Variants in PLCB1 observed in about 807,000 individuals in gnomAD.
PLCB1 encodes the protein phospholipase C beta 1.
PLCB1 carries 46 observed loss-of-function variants against 161.8 expected under a neutral mutation model. The observed-to-expected ratio is 0.28, with a 90% CI of 0.22 to 0.36. The LOEUF is 0.36. Ranked by LOEUF, PLCB1 falls within the 10% of genes least tolerant of loss-of-function variation. The pLI is 1.00. For missense variants in PLCB1, 1,016 were observed against 1,472.5 expected (o/e 0.69, Z 5.07); for synonymous variants, 517 against 503.7 (o/e 1.03, Z -0.35).
intron 3 of PLCB1, among the ~76,000 whole-genome samples, chr20:8,572,055 G>A (rs571693595): frequency 9.2e-5 from 14 of 151,966 alleles, no homozygotes; most frequent in African/African-American, 3.4e-4. Context: ...TGTTTATTAC[G>A]AGTTTTAACA....
chr20:8,525,957 A>C (rs1008918418), intron 3 of PLCB1, among the ~76,000 whole-genome samples: 7 of 152,120 alleles, frequency 4.6e-5, no homozygotes, highest in African/African-American at 1.7e-4. Context: ...AGCATACTTG[A>C]AGCCTGTGTT....
chr20:8,377,191 G>A (rs904650505), intron 3 of PLCB1, among the ~76,000 whole-genome samples: 14 of 152,114 alleles, frequency 9.2e-5, no homozygotes, highest in African/African-American at 3.1e-4. Context: ...ATGAGTGCTG[G>A]GAAGGGGTCT....
At chr20:8,631,658 T>G (rs903118913) in intron 4 of PLCB1, among the ~76,000 whole-genome samples, 6 of 152,184 alleles carry the variant, frequency 3.9e-5, no homozygotes, top group African/African-American at 1.4e-4. Flanking sequence ...CACAGCATTT[T>G]TCAGTAGACA....
chr20:8,405,626 T>C (rs566790719), intron 3 of PLCB1, among the ~76,000 whole-genome samples: 3 of 152,268 alleles, frequency 2.0e-5, no homozygotes, highest in African/African-American at 2.4e-5. Context: ...TTGTTTCCAG[T>C]GAAATCAAAG....
chr20:8,358,094 T>C (rs1044287889), intron 2 of PLCB1, among the ~76,000 whole-genome samples: 1 of 133,254 alleles, frequency 7.5e-6, no homozygotes, highest in Non-Finnish European at 1.6e-5. Flanking sequence ...CTCTTGTCCC[T>C]TTCCCAGTTT....
chr20:8,621,319 T>C (rs907225024), intron 3 of PLCB1, among the ~76,000 whole-genome samples: 1 of 152,200 alleles, frequency 6.6e-6, no homozygotes, highest in Non-Finnish European at 1.5e-5. Flanking sequence ...TGGTAGCATA[T>C]GTCAAAAAGA....
At chr20:8,816,486 A>C (rs79198475) in intron 31 of PLCB1, among the ~76,000 whole-genome samples, 2,921 of 152,338 alleles carry the variant, frequency 0.019, 36 homozygotes, top group Middle Eastern at 0.088. Flanking sequence ...TCAAAGTCCT[A>C]AAATAATTTA....
At chr20:8,215,972 C>T (rs957974694) in intron 2 of PLCB1, among the ~76,000 whole-genome samples, 1 of 151,980 alleles carries the variant, frequency 6.6e-6, no homozygotes, top group Non-Finnish European at 1.5e-5. Context: ...CCACATCATT[C>T]AGTAATTCAG....
intron 3 of PLCB1, among the ~76,000 whole-genome samples, chr20:8,431,033 A>G (rs908217039): frequency 1.3e-5 from 2 of 152,026 alleles, no homozygotes; most frequent in African/African-American, 4.8e-5. Context: ...CGTATTAAAG[A>G]GGTTTATATT....
intron 2 of PLCB1, among the ~76,000 whole-genome samples, chr20:8,185,762 G>T (rs1033643027): frequency 1.3e-5 from 2 of 152,054 alleles, no homozygotes; most frequent in African/African-American, 4.8e-5. Context: ...AAAGCATTAA[G>T]TGGATTCATT....
chr20:8,462,538 A>C (rs1981625329), intron 3 of PLCB1, among the ~76,000 whole-genome samples: 1 of 152,192 alleles, frequency 6.6e-6, no homozygotes, highest in South Asian at 2.1e-4. Context: ...GACCTTATTC[A>C]ATAATTTAAG....
intron 2 of PLCB1, among the ~76,000 whole-genome samples, chr20:8,232,015 A>G (rs377245279): frequency 2.6e-5 from 4 of 152,154 alleles, no homozygotes; most frequent in African/African-American, 9.6e-5. Flanking sequence ...AGCTGTCAAC[A>G]CATGGTTTCA....
At chr20:8,364,384 C>T (rs1341079856) in intron 2 of PLCB1, among the ~76,000 whole-genome samples, 1 of 152,174 alleles carries the variant, frequency 6.6e-6, no homozygotes, top group African/African-American at 2.4e-5. Context: ...CCGATAATAT[C>T]CGCAGGCATT....
rs1979419669 is a variant in PLCB1 at position 8,221,704 on chromosome 20, CAA to C, written c.177+71334_177+71335del. ...TCCTTAGGTTTAAAATCTCAAATAG[CAA>C]CCTAAGTGCATTAACAAAATATGTA... On this transcript the variant is annotated intron_variant, in intron 2 of 31. Transcript: ENST00000338037. 2.0e-5 allele frequency among the ~76,000 whole-genome samples: 3 copies of C among 152,206 alleles called. 1 individual carries two copies. The highest frequency in any genetic ancestry group is 7.2e-5 in the African/African-American group (3 of 41,544).
intron 23 of PLCB1, among the ~76,000 whole-genome samples, 162 bp downstream of exon 23, chr20:8,741,735 G>T (rs1382580349): frequency 6.6e-6 from 1 of 152,282 alleles, no homozygotes; most frequent in South Asian, 2.1e-4. Context: ...CTAGATGATT[G>T]ACTTAAATTT....
At chr20:8,541,810 A>T (rs1161653806) in intron 3 of PLCB1, among the ~76,000 whole-genome samples, 1 of 152,220 alleles carries the variant, frequency 6.6e-6, no homozygotes, top group Non-Finnish European at 1.5e-5. Flanking sequence ...GCAATGTCTC[A>T]AATCTGGAAG....
chr20:8,234,137 T>A lies in PLCB1; in HGVS notation c.177+83766T>A, dbSNP rs559184526. On this transcript the variant is annotated intron_variant, in intron 2 of 31. Coordinates refer to ENST00000338037, the MANE Select transcript of PLCB1 (RefSeq NM_015192.4). ...GGCATTTGTGGGATTGAAGGTGGAA[T>A]GGGAAAGAGACGTATGCAATCAGCT... Among the ~76,000 whole-genome samples the A allele has an allele frequency of 3.3e-5, 5 of 152,208 alleles. No individual in the cohort carries two copies. In the South Asian group the frequency reaches 1.0e-3, roughly 32 times the overall value.
intron 3 of PLCB1, among the ~76,000 whole-genome samples, chr20:8,382,473 C>T (rs1462092121): frequency 4.1e-5 from 6 of 147,886 alleles, no homozygotes; most frequent in African/African-American, 7.5e-5. Flanking sequence ...TTAGTAGAGA[C>T]GGGGTTTCAC....
chr20:8,775,695 G>A (rs1982908649), intron 27 of PLCB1, among the ~76,000 whole-genome samples: 1 of 152,218 alleles, frequency 6.6e-6, no homozygotes, highest in African/African-American at 2.4e-5. Flanking sequence ...AAATTCTAAC[G>A]AGGCCCGTTA....
Sources: gnomAD v4.1 joint callset for allele counts (sites outside exome capture counted in the v4.1 genomes callset) on GRCh38, gnomAD v4.1.1 for gene constraint, MANE v1.5 for transcripts, NCBI Gene and HGNC (gene_info 2026-07-23, HGNC 2026-07-21) for gene names.